CHST3: variants seen among roughly 807,000 people sequenced by gnomAD.
The protein encoded by CHST3 is C6ST-1.
In CHST3, 20 loss-of-function variants were observed where a neutral mutation model predicts 35.4. That is an observed-to-expected ratio of 0.57 (90% CI 0.40 to 0.82). The LOEUF (loss-of-function observed/expected upper bound fraction) is 0.82, where lower values mean the gene tolerates loss of function less well. Ranked by LOEUF, CHST3 falls within the 40% of genes least tolerant of loss-of-function variation. The pLI is 0.00. For synonymous variants in CHST3, 334 were observed against 295.9 expected, an observed-to-expected ratio of 1.13 and a Z score of -1.32; for missense variants, 693 against 670.1, an observed-to-expected ratio of 1.03 and a Z score of -0.38.
intron 1 of CHST3, among the ~76,000 whole-genome samples, chr10:71,998,232 G>T (rs1433787386): frequency 6.6e-6 from 1 of 152,260 alleles, no homozygotes; most frequent in African/African-American, 2.4e-5. Flanking sequence ...CCCCTGCATG[G>T]CTTGCTTTCA....
At chr10:72,006,017 T>C in intron 2 of CHST3, 35 bp downstream of exon 2, 1 of 1,266,792 alleles carries the variant, frequency 7.9e-7, no homozygotes. Context: ...CATCTTCCTT[T>C]CAAGGTGGGG....
chr10:71,969,555 C>T (rs1342295280), intron 1 of CHST3, among the ~76,000 whole-genome samples: 1 of 152,320 alleles, frequency 6.6e-6, no homozygotes, highest in African/African-American at 2.4e-5. Context: ...TGATCCCTGC[C>T]CACCTTCCAC....
At chr10:71,974,763 C>A (rs922997424) in intron 1 of CHST3, among the ~76,000 whole-genome samples, 1 of 152,128 alleles carries the variant, frequency 6.6e-6, no homozygotes, top group Non-Finnish European at 1.5e-5. Flanking sequence ...CAAGGGGACC[C>A]GCACACCCCA....
intron 1 of CHST3, among the ~76,000 whole-genome samples, chr10:71,999,945 G>A (rs1839976319): frequency 6.6e-6 from 1 of 152,162 alleles, no homozygotes; most frequent in Admixed American, 6.5e-5. Flanking sequence ...CCTCCCCCTT[G>A]TTACCCCACA....
At chr10:71,970,046 C>A (rs192859853) in intron 1 of CHST3, among the ~76,000 whole-genome samples, 2 of 152,256 alleles carry the variant, frequency 1.3e-5, no homozygotes, top group African/African-American at 4.8e-5. Context: ...GACTCCACAG[C>A]GGGGTGTGGG....
chr10:71,975,685 C>T (rs1001868394), intron 1 of CHST3, among the ~76,000 whole-genome samples: 6 of 152,362 alleles, frequency 3.9e-5, no homozygotes, highest in East Asian at 1.9e-4. Flanking sequence ...CACCTAGAAA[C>T]GGACTATGAA....
At chr10:71,987,216 T>C (rs1336544940) in intron 1 of CHST3, among the ~76,000 whole-genome samples, 1 of 151,634 alleles carries the variant, frequency 6.6e-6, no homozygotes, top group Non-Finnish European at 1.5e-5. Flanking sequence ...CCGCTGCTTC[T>C]CCTACAGATC....
rs55736523 is a variant in CHST3 at position 71,994,267 on chromosome 10, CAA to C, written c.-107-11456_-107-11455del. On this transcript the variant is annotated intron_variant, in intron 1 of 2. Transcript: ENST00000373115. The stretch of plus-strand genomic sequence containing the variant: ...GTGACAGAGTAAGAAAACCCTGTCT[CAA>C]AAAAAAAAAAAATTAATTAATTAAA... Among the ~76,000 whole-genome samples, 305 of 128,830 alleles carry C rather than the reference CAA, an allele frequency of 2.4e-3. 3 individuals carry two copies. Among genetic ancestry groups the C allele is most frequent in the African/African-American group, 7.2e-3 (254 of 35,066 alleles). 84.5% of individuals were successfully genotyped at this position (128,830 alleles called of 152,430 possible). A position where few individuals can be genotyped will look rare whatever the true frequency, so the allele number is the denominator to read the frequency against.
rs1043911531 is a variant in CHST3, at chr10:72,012,625, G to A, written c.*4154G>A. 2 of 152,614 alleles carry A rather than the reference G, an allele frequency of 1.3e-5. No individual in the cohort carries two copies. Among genetic ancestry groups the A allele is most frequent in the Non-Finnish European group, 2.9e-5 (2 of 68,380 alleles). The allele number at this position is 152,614 out of a possible 1,614,324, so 9.5% of individuals were successfully genotyped here. ...ATACCTGAGGCAAGGAGAGCTAAGG[G>A]GAGAGAAATTGGGGCTGAGTGGAAG... is the stretch of plus-strand genomic sequence containing the variant. On this transcript the variant is annotated 3_prime_UTR_variant, in exon 3 of 3. Coordinates refer to ENST00000373115, the MANE Select transcript of CHST3 (RefSeq NM_004273.5).
chr10:71,982,911 G>A (rs916076650), intron 1 of CHST3, among the ~76,000 whole-genome samples: 2 of 152,234 alleles, frequency 1.3e-5, no homozygotes, highest in African/African-American at 2.4e-5. Context: ...GTGGGCTACC[G>A]AGCTGGAAGA....
chr10:71,998,067 ATGTCGAGGC>A (rs1839957699), intron 1 of CHST3, among the ~76,000 whole-genome samples: 1 of 152,090 alleles, frequency 6.6e-6, no homozygotes, highest in Admixed American at 6.6e-5. Flanking sequence ...TGAGTGTGGG[ATGTCGAGGC>A]TGCAGTGAGC....
chr10:71,981,910 A>G (rs1221802719), intron 1 of CHST3, among the ~76,000 whole-genome samples: 1 of 152,168 alleles, frequency 6.6e-6, no homozygotes, highest in Admixed American at 6.5e-5. Context: ...TGGCACTGAT[A>G]TTTTTTAAAA....
intron 1 of CHST3, among the ~76,000 whole-genome samples, chr10:71,982,803 T>C (rs1214869462): frequency 6.6e-6 from 1 of 152,180 alleles, no homozygotes; most frequent in Non-Finnish European, 1.5e-5. Flanking sequence ...TGTGGCAATG[T>C]GTTACAACAG....
intron 1 of CHST3, among the ~76,000 whole-genome samples, chr10:72,005,495 T>G (rs1017676168): frequency 2.0e-5 from 3 of 152,214 alleles, no homozygotes; most frequent in African/African-American, 7.2e-5. Flanking sequence ...CACAGGCCTT[T>G]GATGTGTGAG....
intron 1 of CHST3, among the ~76,000 whole-genome samples, chr10:72,002,980 C>T (rs2131769254): frequency 6.6e-6 from 1 of 152,156 alleles, no homozygotes; most frequent in East Asian, 1.9e-4. Context: ...GGTTGGGGGT[C>T]CCCAAGGTAC....
At chr10:71,974,684 C>T (rs1839728409) in intron 1 of CHST3, among the ~76,000 whole-genome samples, 1 of 152,202 alleles carries the variant, frequency 6.6e-6, no homozygotes, top group Admixed American at 6.5e-5. Context: ...CACTGAGTCT[C>T]ACTGTCTGCC....
At chr10:72,001,209 G>T (rs947514861) in intron 1 of CHST3, among the ~76,000 whole-genome samples, 2 of 152,194 alleles carry the variant, frequency 1.3e-5, no homozygotes, top group Admixed American at 6.5e-5. Context: ...CGCCCTGAAA[G>T]AACTCAGCAC....
chr10:72,005,594 T>C, intron 1 of CHST3, 142 bp from the exon 2 acceptor site: 1 of 575,376 alleles, frequency 1.7e-6, no homozygotes. Flanking sequence ...CTTCAGTGTC[T>C]CTGGGGCACA....
chr10:71,972,661 T>G (rs4148922), intron 1 of CHST3, among the ~76,000 whole-genome samples: 40,301 of 152,018 alleles, frequency 0.27, 8,050 homozygotes, highest in African/African-American at 0.56. Context: ...CCACCCCGAG[T>G]GATGTCTGGC....
Sources: allele counts gnomAD v4.1 joint callset (sites outside exome capture counted in the v4.1 genomes callset), GRCh38; gene constraint gnomAD v4.1.1; transcripts MANE v1.5; gene names NCBI Gene and HGNC (gene_info 2026-07-23, HGNC 2026-07-21).